SOX5: variants seen among roughly 807,000 people sequenced by gnomAD.
SOX5 encodes SRY-box transcription factor 5, also known as transcription factor SOX-5.
A neutral mutation model predicts 92.0 loss-of-function variants in SOX5; 9 were observed. The ratio of observed to expected loss-of-function variants is 0.10; its 90% CI spans 0.06 to 0.17. The LOEUF (loss-of-function observed/expected upper bound fraction) is 0.17, where lower values mean the gene tolerates loss of function less well. SOX5 is among the 10% of genes least tolerant of loss of function. The pLI, the probability that SOX5 is intolerant of heterozygous loss-of-function variation, is 1.00. For synonymous variants in SOX5, 344 were observed against 336.3 expected (o/e 1.02, Z -0.25); for missense variants, 642 against 944.5 (o/e 0.68, Z 4.20).
At chr12:24,494,143 G>A (rs1297783256) in intron 1 of SOX5, among the ~76,000 whole-genome samples, 3 of 152,184 alleles carry the variant, frequency 2.0e-5, no homozygotes, top group East Asian at 3.9e-4. Flanking sequence ...TCACACTGAC[G>A]TGTAGAACAT....
At chr12:24,513,696 A>G (rs1949525426) in intron 1 of SOX5, among the ~76,000 whole-genome samples, 1 of 152,230 alleles carries the variant, frequency 6.6e-6, no homozygotes, top group South Asian at 2.1e-4. Flanking sequence ...ATCTGTTTAA[A>G]AAATGAAGTA....
At chr12:24,370,338 G>A (rs58047106) in intron 1 of SOX5, among the ~76,000 whole-genome samples, 2,640 of 152,114 alleles carry the variant, frequency 0.017, 73 homozygotes, top group African/African-American at 0.061. Flanking sequence ...TTAGCCGGGC[G>A]TGGTGGCAGG....
intron 4 of SOX5, among the ~76,000 whole-genome samples, chr12:24,174,295 G>A (rs916413793): frequency 4.6e-5 from 7 of 152,122 alleles, no homozygotes; most frequent in Non-Finnish European, 8.8e-5. Context: ...CACTGCACCC[G>A]GCAGAAATCT....
intron 4 of SOX5, among the ~76,000 whole-genome samples, chr12:24,164,274 A>G (rs1218361008): frequency 6.6e-6 from 1 of 152,086 alleles, no homozygotes; most frequent in Non-Finnish European, 1.5e-5. Context: ...AAACATACAC[A>G]TTTCAGAGTA....
At chr12:23,946,980 T>C (rs918003592) in intron 1 of SOX5, among the ~76,000 whole-genome samples, 1 of 152,078 alleles carries the variant, frequency 6.6e-6, no homozygotes, top group Middle Eastern at 3.4e-3. Flanking sequence ...GTACTGACCA[T>C]GTTCATTTCT....
At chr12:24,142,868 C>G (rs1950719658) in intron 4 of SOX5, among the ~76,000 whole-genome samples, 1 of 150,488 alleles carries the variant, frequency 6.6e-6, no homozygotes, top group African/African-American at 2.5e-5. Context: ...TAAGACAAAC[C>G]TGCATAGAGA....
intron 4 of SOX5, among the ~76,000 whole-genome samples, chr12:24,113,870 G>A (rs1264172082): frequency 1.3e-5 from 2 of 152,190 alleles, no homozygotes; most frequent in African/African-American, 4.8e-5. Context: ...ATCCTAGAGG[G>A]AAAGCTTGGC....
At chr12:24,408,023 T>G (rs1487344530) in intron 1 of SOX5, among the ~76,000 whole-genome samples, 1 of 152,138 alleles carries the variant, frequency 6.6e-6, no homozygotes, top group East Asian at 1.9e-4. Flanking sequence ...TAAGGTGATG[T>G]TTGAGCAGAG....
At chr12:24,080,604 T>C (rs1175740869) in intron 4 of SOX5, among the ~76,000 whole-genome samples, 2 of 152,024 alleles carry the variant, frequency 1.3e-5, no homozygotes, top group African/African-American at 4.8e-5. Flanking sequence ...CCCAGGACTA[T>C]GGACTGTGTG....
At chr12:24,279,263 G>T (rs544669049) in intron 2 of SOX5, among the ~76,000 whole-genome samples, 57 of 151,992 alleles carry the variant, frequency 3.8e-4, no homozygotes, top group African/African-American at 1.4e-3. Flanking sequence ...TTATAATTAG[G>T]TTTTTTTAGA....
At position 23,694,907 on chromosome 12, in the gene SOX5, T is replaced by C. The variant is rs563440611; in HGVS notation, c.811-29343A>G. Among the ~76,000 whole-genome samples the C allele has an allele frequency of 3.3e-5, 5 of 152,194 alleles. No homozygotes were observed. The South Asian group carries it at 1.0e-3, about 32-fold the overall frequency. On this transcript the variant is annotated intron_variant, in intron 6 of 14. Coordinates refer to ENST00000451604, the MANE Select transcript of SOX5 (RefSeq NM_006940.6). ...GCCAAGGCAGAAAGATCACCTGAGC[T>C]CAGGAGTTTCAAACCAGGCTGGGCA... is the stretch of plus-strand genomic sequence containing the variant.
intron 2 of SOX5, among the ~76,000 whole-genome samples, chr12:23,891,490 G>T (rs745399427): frequency 1.3e-5 from 2 of 152,144 alleles, no homozygotes; most frequent in Admixed American, 6.5e-5. Context: ...CTCAACAGTT[G>T]TATCTTGTCT....
At chr12:24,436,526 T>C (rs1939457300) in intron 1 of SOX5, among the ~76,000 whole-genome samples, 1 of 152,094 alleles carries the variant, frequency 6.6e-6, no homozygotes, top group Non-Finnish European at 1.5e-5. Context: ...GCTGCAGAAG[T>C]AAAGTTTAAA....
intron 4 of SOX5, among the ~76,000 whole-genome samples, chr12:23,998,738 T>C (rs1592187751): frequency 7.0e-6 from 1 of 142,600 alleles, no homozygotes; most frequent in Non-Finnish European, 1.5e-5. Context: ...GAGGCGGAGG[T>C]TGCAATGAGC....
chr12:24,550,279 C>T (rs931107038), intron 1 of SOX5, among the ~76,000 whole-genome samples: 1 of 152,078 alleles, frequency 6.6e-6, no homozygotes, highest in Non-Finnish European at 1.5e-5. Flanking sequence ...TGATGGTATA[C>T]CAGGGAGGAA....
intron 4 of SOX5, among the ~76,000 whole-genome samples, chr12:24,164,771 C>G (rs1043307514): frequency 2.6e-5 from 4 of 152,006 alleles, no homozygotes; most frequent in Admixed American, 6.6e-5. Context: ...CCCTACTTTT[C>G]TGTTTTAAAT....
At chr12:24,111,046 G>A (rs142178013) in intron 4 of SOX5, among the ~76,000 whole-genome samples, 1 of 151,928 alleles carries the variant, frequency 6.6e-6, no homozygotes, top group East Asian at 1.9e-4. Flanking sequence ...GTGGGAGACT[G>A]TGATATGCAT....
chr12:24,511,090 T>C (rs1322788567), intron 1 of SOX5, among the ~76,000 whole-genome samples: 1 of 152,174 alleles, frequency 6.6e-6, no homozygotes, highest in Non-Finnish European at 1.5e-5. Flanking sequence ...AGGCTGGGTA[T>C]ACAGAAGACA....
intron 9 of SOX5, among the ~76,000 whole-genome samples, chr12:23,588,202 C>G (rs1247280249): frequency 6.6e-6 from 1 of 151,842 alleles, no homozygotes; most frequent in Non-Finnish European, 1.5e-5. Flanking sequence ...CCTATTGATA[C>G]TATAATATTA....
Sources: allele counts gnomAD v4.1 joint callset (sites outside exome capture counted in the v4.1 genomes callset), GRCh38; gene constraint gnomAD v4.1.1; transcripts MANE v1.5; gene names NCBI Gene and HGNC (gene_info 2026-07-23, HGNC 2026-07-21).